SHISA9: variants seen among roughly 807,000 people sequenced by gnomAD.
SHISA9 encodes the protein protein shisa-9.
In SHISA9, 13 loss-of-function variants were observed where a neutral mutation model predicts 38.0. The ratio of observed to expected loss-of-function variants is 0.34; its 90% CI spans 0.22 to 0.54. SHISA9 has a LOEUF of 0.54. SHISA9 is among the 20% of genes least tolerant of loss of function. SHISA9 has a pLI of 0.91. For missense variants in SHISA9, 538 were observed against 575.8 expected (o/e 0.93, Z 0.67); for synonymous variants, 275 against 242.0 (o/e 1.14, Z -1.27).
chr16:13,005,019 C>T (rs1046869297), intron 2 of SHISA9, among the ~76,000 whole-genome samples: 7 of 148,040 alleles, frequency 4.7e-5, no homozygotes, highest in African/African-American at 1.8e-4. Flanking sequence ...TAGAACCTGG[C>T]TATGGTTTAT....
At chr16:13,555,405 A>G in the SHISA9 span, among the ~76,000 whole-genome samples, 3 of 152,218 alleles carry the variant, frequency 2.0e-5, no homozygotes, top group Admixed American at 1.3e-4. Flanking sequence ...ATAAAAGAGG[A>G]AAGACAGCAC....
chr16:13,182,437 G>T (rs930241916), intron 2 of SHISA9, among the ~76,000 whole-genome samples: 15 of 152,072 alleles, frequency 9.9e-5, no homozygotes, highest in Non-Finnish European at 2.1e-4. Flanking sequence ...TTTCCAGCAG[G>T]TCTCAGTGTA....
At chr16:13,296,822 T>C in the SHISA9 span, among the ~76,000 whole-genome samples, 12 of 117,690 alleles carry the variant, frequency 1.0e-4, no homozygotes, top group African/African-American at 4.0e-4. Flanking sequence ...ACCTGGGAGG[T>C]GGAGGTTGCA....
chr16:12,902,503 A>G lies in SHISA9; in HGVS notation c.439A>G (p.Lys147Glu). ...RKDDPLHDPTKDKTNLIVYII... is the reference protein window; with the variant it reads ...RKDDPLHDPTEDKTNLIVYII... ...GGACGACCCCTTGCACGACCCCACC[A>G]AGGACAAGACCAACCTGATCGTCTA... The change falls in exon 1 of 5, where the codon AAG (lysine) becomes GAG (glutamate). Residue 147 changes from lysine (K) to glutamate (E), a missense_variant. This residue lies in a region of SHISA9 where 88 missense variants were observed against 109.7 expected (regional missense o/e 0.80). Transcript: ENST00000558583. 1.3e-6 allele frequency: 2 copies of G among 1,551,466 alleles called. No homozygotes were observed. The highest frequency in any genetic ancestry group is 1.7e-6 in the Non-Finnish European group (2 of 1,146,966).
At chr16:13,460,017 C>T in the SHISA9 span, among the ~76,000 whole-genome samples, 1 of 152,180 alleles carries the variant, frequency 6.6e-6, no homozygotes, top group Non-Finnish European at 1.5e-5. Flanking sequence ...AAGTGATCCT[C>T]CCACCTGAGC....
At chr16:13,411,458 C>G in the SHISA9 span, among the ~76,000 whole-genome samples, 1 of 152,190 alleles carries the variant, frequency 6.6e-6, no homozygotes, top group Admixed American at 6.5e-5. Context: ...ATCAGAAGCA[C>G]AGGATAATTA....
intron 1 of SHISA9, among the ~76,000 whole-genome samples, chr16:12,916,370 G>A (rs7185849): frequency 0.05 from 7,598 of 152,212 alleles, 648 homozygotes; most frequent in African/African-American, 0.17. Context: ...GATATAAAGA[G>A]AGAACTAAAT....
the SHISA9 span, among the ~76,000 whole-genome samples, chr16:13,467,405 C>G: frequency 6.6e-6 from 1 of 152,198 alleles, no homozygotes; most frequent in Non-Finnish European, 1.5e-5. Flanking sequence ...GAGCCTGGCA[C>G]TAGCCACCTC....
At chr16:13,218,043 G>T (rs893044548) in intron 4 of SHISA9, among the ~76,000 whole-genome samples, 4 of 151,494 alleles carry the variant, frequency 2.6e-5, no homozygotes, top group Admixed American at 2.6e-4. Context: ...AGGGAGGGAG[G>T]GAAGGAAGGT....
At chr16:13,546,858 C>A in the SHISA9 span, among the ~76,000 whole-genome samples, 1 of 152,144 alleles carries the variant, frequency 6.6e-6, no homozygotes, top group Non-Finnish European at 1.5e-5. Flanking sequence ...TGCTATCAGG[C>A]CGTTTACTGG....
At chr16:13,036,518 G>A (rs1272934515) in intron 2 of SHISA9, among the ~76,000 whole-genome samples, 2 of 152,130 alleles carry the variant, frequency 1.3e-5, no homozygotes, top group African/African-American at 4.8e-5. Flanking sequence ...TTTCTGGGGT[G>A]ATGGAAATAT....
chr16:12,968,499 C>G (rs1239226705), intron 2 of SHISA9, among the ~76,000 whole-genome samples: 2 of 152,174 alleles, frequency 1.3e-5, no homozygotes, highest in African/African-American at 4.8e-5. Context: ...TAGCCCCAAA[C>G]TGGAAACAAC....
chr16:13,368,548 C>T, the SHISA9 span, among the ~76,000 whole-genome samples: 1 of 151,916 alleles, frequency 6.6e-6, no homozygotes, highest in African/African-American at 2.4e-5. Context: ...GTGGAGAATG[C>T]AGTGTGAGCT....
intron 1 of SHISA9, among the ~76,000 whole-genome samples, chr16:12,911,823 G>A (rs1050769705): frequency 6.6e-6 from 1 of 152,076 alleles, no homozygotes; most frequent in Non-Finnish European, 1.5e-5. Context: ...TAAGAAGGGG[G>A]GCATTTTTAA....
At chr16:13,297,287 C>T in the SHISA9 span, among the ~76,000 whole-genome samples, 1 of 152,094 alleles carries the variant, frequency 6.6e-6, no homozygotes, top group African/African-American at 2.4e-5. Context: ...TTAGGCTATT[C>T]CTATGGGTCA....
chr16:13,058,656 A>T (rs1485084640), intron 2 of SHISA9, among the ~76,000 whole-genome samples: 1 of 152,306 alleles, frequency 6.6e-6, no homozygotes. Flanking sequence ...GAAAAGTGTC[A>T]TCTTTCGAGG....
chr16:13,318,188 T>C, the SHISA9 span, among the ~76,000 whole-genome samples: 1 of 152,330 alleles, frequency 6.6e-6, no homozygotes, highest in Admixed American at 6.5e-5. Flanking sequence ...CCTCATACTA[T>C]TGACATTTTA....
At chr16:13,307,883 A>G in the SHISA9 span, among the ~76,000 whole-genome samples, 3 of 152,200 alleles carry the variant, frequency 2.0e-5, no homozygotes, top group Non-Finnish European at 2.9e-5. Context: ...GTTCATTTCC[A>G]TGATTAGGTG....
At chr16:13,304,156 T>A in the SHISA9 span, among the ~76,000 whole-genome samples, 1 of 152,238 alleles carries the variant, frequency 6.6e-6, no homozygotes, top group African/African-American at 2.4e-5. Flanking sequence ...GTGCTTCCCA[T>A]TTGTGCAACA....
Sources: allele counts gnomAD v4.1 joint callset (sites outside exome capture counted in the v4.1 genomes callset), GRCh38; gene constraint gnomAD v4.1.1; regional missense constraint gnomAD v4.1.1; transcripts MANE v1.5; gene names NCBI Gene and HGNC (gene_info 2026-07-23, HGNC 2026-07-21).